ZNF385D: variants seen among roughly 807,000 people sequenced by gnomAD.
The protein encoded by ZNF385D is zinc finger protein 385D.
A neutral mutation model predicts 35.8 loss-of-function variants in ZNF385D; 15 were observed. The ratio of observed to expected loss-of-function variants is 0.42; its 90% CI spans 0.28 to 0.64. The LOEUF is 0.64. Among genes scored for constraint, ZNF385D ranks in the 30% least tolerant of loss-of-function variants. The pLI is 0.23. For missense variants in ZNF385D, 474 were observed against 494.6 expected (o/e 0.96, Z 0.39); for synonymous variants, 212 against 186.8 (o/e 1.13, Z -1.10).
At chr3:21,568,068 T>G (rs2063210636) in intron 2 of ZNF385D, among the ~76,000 whole-genome samples, 1 of 152,178 alleles carries the variant, frequency 6.6e-6, no homozygotes, top group South Asian at 2.1e-4. Context: ...AAAAAAAACT[T>G]AACTGAATTA....
intron 2 of ZNF385D, among the ~76,000 whole-genome samples, chr3:22,180,545 T>C (rs987664413): frequency 1.3e-5 from 2 of 152,206 alleles, no homozygotes; most frequent in African/African-American, 4.8e-5. Flanking sequence ...AGTAAAATAC[T>C]GTCAAACCAA....
At chr3:21,919,211 C>T (rs1431994210) in intron 3 of ZNF385D, among the ~76,000 whole-genome samples, 9 of 152,170 alleles carry the variant, frequency 5.9e-5, no homozygotes, top group Admixed American at 2.0e-4. Context: ...TCATTCACCA[C>T]ACAAGTACTA....
chr3:21,900,717 A>G (rs1699363342), intron 3 of ZNF385D, among the ~76,000 whole-genome samples: 1 of 152,206 alleles, frequency 6.6e-6, no homozygotes, highest in Non-Finnish European at 1.5e-5. Flanking sequence ...AAGACATACA[A>G]TACATATGTA....
At chr3:21,720,138 G>A (rs1192151655) in intron 1 of ZNF385D, among the ~76,000 whole-genome samples, 1 of 152,146 alleles carries the variant, frequency 6.6e-6, no homozygotes, top group African/African-American at 2.4e-5. Flanking sequence ...CCTGGGCATT[G>A]GAATTTCAAA....
intron 2 of ZNF385D, among the ~76,000 whole-genome samples, chr3:22,359,478 G>C (rs1292762740): frequency 7.9e-5 from 12 of 151,832 alleles, no homozygotes; most frequent in Non-Finnish European, 1.6e-4. Flanking sequence ...TTTCAGCAAT[G>C]GCGATTTCCA....
chr3:22,029,353 G>C (rs1374528837), intron 3 of ZNF385D, among the ~76,000 whole-genome samples: 1 of 152,124 alleles, frequency 6.6e-6, no homozygotes, highest in Admixed American at 6.5e-5. Flanking sequence ...CTGTGATTAA[G>C]GTCAATGGGA....
Position 22,260,881 on chromosome 3 carries a change from C to T in ZNF385D, c.107-91846G>A, listed in dbSNP as rs577132981. 3.7e-4 allele frequency among the ~76,000 whole-genome samples: 57 copies of T among 152,098 alleles called. 1 individual carries two copies. The highest frequency in any genetic ancestry group is 2.6e-4 in the Admixed American group (4 of 15,256). ...GTTTTTATCACTTATTCTATGGTAA[C>T]AGTTTTAGTAGAACAATAAGTTTAA... On this transcript the variant is annotated intron_variant, in intron 2 of 5. Transcript: ENST00000494108.
chr3:21,958,931 A>G (rs1260352749), intron 3 of ZNF385D: 1 of 152,190 alleles, frequency 6.6e-6, no homozygotes, highest in African/African-American at 2.4e-5. Context: ...CAGGTGAGAA[A>G]ATATAAACCC....
intron 3 of ZNF385D, among the ~76,000 whole-genome samples, chr3:21,895,012 G>A (rs1441586678): frequency 2.0e-5 from 3 of 152,040 alleles, no homozygotes; most frequent in Non-Finnish European, 4.4e-5. Flanking sequence ...AAGTGAAGTA[G>A]GAATACCACA....
chr3:22,144,060 G>T (rs1211075718), intron 3 of ZNF385D, among the ~76,000 whole-genome samples: 1 of 152,020 alleles, frequency 6.6e-6, no homozygotes, highest in African/African-American at 2.4e-5. Context: ...AATGTTGCTG[G>T]GGATATTTGT....
chr3:21,985,918 G>T (rs1253033746), intron 3 of ZNF385D, among the ~76,000 whole-genome samples: 22 of 131,044 alleles, frequency 1.7e-4, no homozygotes, highest in African/African-American at 2.6e-4. Flanking sequence ...GTCGAGGAAT[G>T]TATCCGTTTC....
chr3:21,679,764 A>G (rs141533578), intron 1 of ZNF385D, among the ~76,000 whole-genome samples: 42 of 152,186 alleles, frequency 2.8e-4, no homozygotes, highest in African/African-American at 9.1e-4. Flanking sequence ...TGGAGAAATA[A>G]TTATATCCAA....
chr3:22,165,621 G>A (rs748957977), intron 3 of ZNF385D, among the ~76,000 whole-genome samples: 1 of 152,174 alleles, frequency 6.6e-6, no homozygotes, highest in African/African-American at 2.4e-5. Flanking sequence ...TCATAACTCT[G>A]AGATTTAGTA....
intron 2 of ZNF385D, among the ~76,000 whole-genome samples, chr3:21,663,582 G>T (rs2066301264): frequency 6.6e-6 from 1 of 151,896 alleles, no homozygotes; most frequent in South Asian, 2.1e-4. Context: ...TAGGAATAAG[G>T]GAATTTGATG....
At position 21,553,108 on chromosome 3, in the gene ZNF385D, G is replaced by T. The variant is rs562064716; in HGVS notation, c.276+11466C>A. On this transcript the variant is annotated intron_variant, in intron 3 of 7. Transcript: ENST00000281523. ...AGGCAACTTCTAGAAGCTGAAAAAG[G>T]CAAGCAACTGGATTCTCCCCTGGAA... Among the ~76,000 whole-genome samples the T allele has an allele frequency of 2.6e-5, 4 of 152,292 alleles. No homozygotes were observed. The East Asian group carries it at 7.7e-4, about 29-fold the overall frequency.
At position 21,883,477 on chromosome 3, in the gene ZNF385D, A is replaced by G. The variant is rs141541614; in HGVS notation, c.326-218449T>C. Among the ~76,000 whole-genome samples the G allele has an allele frequency of 2.7e-3, 410 of 152,148 alleles. 2 individuals are homozygous for G. The highest frequency in any genetic ancestry group is 9.4e-3 in the African/African-American group (392 of 41,554). On this transcript the variant is annotated intron_variant, in intron 3 of 5. Coordinates refer to the ZNF385D transcript ENST00000494108. Reference sequence around the variant, plus strand: ...AGATTTTGCCTGATCATGAGGGTTTATGATATATATTCTGATATAAACATT... The same window carrying G: ...AGATTTTGCCTGATCATGAGGGTTTGTGATATATATTCTGATATAAACATT...
intron 2 of ZNF385D, among the ~76,000 whole-genome samples, chr3:22,210,346 A>G (rs747713203): frequency 6.6e-6 from 1 of 151,908 alleles, no homozygotes. Context: ...TGGTGGTTCT[A>G]TACTTACGTC....
chr3:22,263,938 G>T (rs1011868417), intron 2 of ZNF385D, among the ~76,000 whole-genome samples: 2 of 151,868 alleles, frequency 1.3e-5, no homozygotes, highest in Non-Finnish European at 2.9e-5. Flanking sequence ...TGCCTTAAAA[G>T]GTTAAAAATT....
chr3:22,159,654 G>T (rs1306327405), intron 3 of ZNF385D, among the ~76,000 whole-genome samples: 2 of 151,944 alleles, frequency 1.3e-5, no homozygotes, highest in South Asian at 4.1e-4. Context: ...AAAAAAATTG[G>T]TAACAAAAGC....
Sources: allele counts gnomAD v4.1 joint callset (sites outside exome capture counted in the v4.1 genomes callset), GRCh38; gene constraint gnomAD v4.1.1; transcripts MANE v1.5; gene names NCBI Gene and HGNC (gene_info 2026-07-23, HGNC 2026-07-21).